The following RFX4 variants were observed in gnomAD, a reference collection of about 807,000 sequenced individuals.
RFX4 encodes regulatory factor X4.
In RFX4, 10 loss-of-function variants were observed where a neutral mutation model predicts 95.0. The observed-to-expected ratio is 0.11, with a 90% CI of 0.06 to 0.18. The LOEUF (loss-of-function observed/expected upper bound fraction) is 0.18. Among genes scored for constraint, RFX4 ranks in the 10% least tolerant of loss-of-function variants. The probability of loss-of-function intolerance (pLI) is 1.00; values close to 1 mark genes in which losing one functional copy is unlikely to be tolerated. For missense variants in RFX4, 640 were observed against 922.0 expected (o/e 0.69, Z 3.96); for synonymous variants, 321 against 340.7 (o/e 0.94, Z 0.64).
intron 8 of RFX4, among the ~76,000 whole-genome samples, chr12:106,708,179 A>C (rs142999983): frequency 7.2e-5 from 11 of 152,274 alleles, no homozygotes; most frequent in African/African-American, 2.6e-4. Context: ...GAAAAAGCTG[A>C]ATATACAGGA....
chr12:106,651,005 A>G (rs1462654410), intron 3 of RFX4, among the ~76,000 whole-genome samples: 2 of 152,152 alleles, frequency 1.3e-5, no homozygotes, highest in African/African-American at 2.4e-5. Context: ...TTCTTCTGAA[A>G]ATAACATTTT....
In RFX4 at chr12:106,677,877, A is replaced by G. The variant is rs76540067; in HGVS notation, c.316-4116A>G. 2.5e-3 allele frequency among the ~76,000 whole-genome samples: 380 copies of G among 152,264 alleles called. 6 individuals are homozygous for G. In the East Asian group the frequency reaches 0.044, roughly 18 times the overall value. On this transcript the variant is annotated intron_variant, in intron 4 of 17. Coordinates refer to ENST00000392842, the MANE Select transcript of RFX4 (RefSeq NM_213594.3). ...GGGCTAGGTTCAGGAGACATCCTGA[A>G]GGCAGAACCAGTAGGACCTGGGGTT...
rs763269186 is a variant in RFX4, at chr12:106,681,985, A to T, written c.316-8A>T. 4 of 1,614,122 alleles carry T rather than the reference A, an allele frequency of 2.5e-6. 1 individual carries two copies. The Admixed American group carries it at 6.7e-5, about 27-fold the overall frequency. On this transcript the variant is annotated splice_region_variant and splice_polypyrimidine_tract_variant and intron_variant, in intron 4 of 17. Coordinates refer to ENST00000392842, the MANE Select transcript of RFX4 (RefSeq NM_213594.3). ...CAATGGGTAACTGATTCTTGTGTTG[A>T]CTTACAGATCATAAGGCAGCAGTTT... is the stretch of plus-strand genomic sequence containing the variant.
At chr12:106,640,907 A>G (rs954523636) in intron 3 of RFX4, among the ~76,000 whole-genome samples, 2 of 149,184 alleles carry the variant, frequency 1.3e-5, no homozygotes, top group East Asian at 2.0e-4. Flanking sequence ...CAGCCTCCCT[A>G]CTAGCTGGGA....
At chr12:106,755,677 T>C (rs2043095587) in intron 17 of RFX4, among the ~76,000 whole-genome samples, 1 of 152,180 alleles carries the variant, frequency 6.6e-6, no homozygotes, top group African/African-American at 2.4e-5. Flanking sequence ...AGGTTCAGCA[T>C]AGAGAAAATC....
chr12:106,661,601 T>C (rs2137339673), intron 4 of RFX4, among the ~76,000 whole-genome samples: 1 of 152,168 alleles, frequency 6.6e-6, no homozygotes, highest in East Asian at 1.9e-4. Context: ...TTCACTCACA[T>C]TGGTGAATTC....
At chr12:106,589,906 T>C (rs1215729258) in intron 1 of RFX4, among the ~76,000 whole-genome samples, 1 of 152,244 alleles carries the variant, frequency 6.6e-6, no homozygotes, top group East Asian at 1.9e-4. Flanking sequence ...CACAGACAAA[T>C]CTTGGCTTTC....
chr12:106,739,026 A>G (rs745796450), intron 15 of RFX4, among the ~76,000 whole-genome samples: 35 of 144,226 alleles, frequency 2.4e-4, no homozygotes, highest in Non-Finnish European at 5.2e-4. Context: ...TCTATTTTAA[A>G]ATTATCGCTT....
At position 106,588,239 on chromosome 12, in the gene RFX4, G is replaced by A. The variant is rs529623677; in HGVS notation, c.43+4876G>A. 1.7e-4 allele frequency among the ~76,000 whole-genome samples: 26 copies of A among 152,150 alleles called. 1 individual carries two copies. Among genetic ancestry groups the A allele is most frequent in the African/African-American group, 6.0e-4 (25 of 41,520 alleles). On this transcript the variant is annotated intron_variant, in intron 1 of 17. Coordinates refer to ENST00000392842, the MANE Select transcript of RFX4 (RefSeq NM_213594.3). ...TAACCATGAACAACTCTTTTTAAAG[G>A]CCCAGAATGTCCTTTCTCATTGCCA...
Position 106,654,321 on chromosome 12 carries a change from C to G in RFX4, c.285C>G (p.Thr95=), listed in dbSNP as rs141142591. 2.2e-5 allele frequency: 35 copies of G among 1,614,018 alleles called. No homozygotes were observed. In the African/African-American group the frequency reaches 4.5e-4, roughly 21 times the overall value. The part of the protein sequence containing the change: ...HYLDFCEKND[T]QPVNAASFGK... ...TGGATTTCTGCGAGAAGAATGATAC[C>G]CAACCTGTCAATGCTGCCAGCTTTG... The change falls in exon 4 of 18, where the codon ACC becomes ACG. Residue 95 remains threonine (T), a synonymous_variant. Transcript: ENST00000392842.
At chr12:106,685,251 G>A (rs981150741) in intron 5 of RFX4, among the ~76,000 whole-genome samples, 2 of 151,132 alleles carry the variant, frequency 1.3e-5, no homozygotes, top group African/African-American at 2.4e-5. Context: ...AGACTACCAG[G>A]GATATTTTAA....
At chr12:106,727,744 C>T (rs1476780955) in intron 13 of RFX4, among the ~76,000 whole-genome samples, 10 of 152,040 alleles carry the variant, frequency 6.6e-5, no homozygotes, top group East Asian at 1.9e-4. Context: ...CTCAGCCTCC[C>T]GAGTAGCTGG....
chr12:106,705,701 T>C (rs1433930046), intron 8 of RFX4, among the ~76,000 whole-genome samples: 1 of 151,686 alleles, frequency 6.6e-6, no homozygotes, highest in Non-Finnish European at 1.5e-5. Context: ...GCTGCAGGGA[T>C]GGAGTAAGCT....
Position 106,761,403 on chromosome 12 carries a change from G to A in RFX4, c.2142G>A (p.Glu714=). 6.2e-7 allele frequency: 1 copy of A among 1,614,136 alleles called. No homozygotes were observed. The highest frequency in any genetic ancestry group is 2.2e-5 in the East Asian group (1 of 44,880). ...CAACGCGCAGGAATTCTGAATATGA[G>A]CACATGCAACACTTTCCTGGCTTTG... ...PLTTRRNSEY[E]HMQHFPGFAY... The change falls in exon 18 of 18, where the codon GAG becomes GAA. Residue 714 remains glutamate (E), a synonymous_variant. Transcript: ENST00000392842.
At chr12:106,727,911 G>A (rs905180593) in intron 13 of RFX4, among the ~76,000 whole-genome samples, 1 of 152,124 alleles carries the variant, frequency 6.6e-6, no homozygotes, top group Non-Finnish European at 1.5e-5. Context: ...GAGCCACCGC[G>A]CCCGGCCCTG....
rs553773596 is a variant in RFX4, at chr12:106,650,321, CT to C, written c.192-3905del. 3.3e-5 allele frequency among the ~76,000 whole-genome samples: 5 copies of C among 152,294 alleles called. No individual in the cohort carries two copies. In the East Asian group the frequency reaches 9.6e-4, roughly 29 times the overall value. On this transcript the variant is annotated intron_variant, in intron 3 of 17. Transcript: ENST00000392842. ...AGGGATACTTTTATCTTCCCCACAG[CT>C]TGTCATACACAAAATTGCAGTTGCC...
At chr12:106,680,092 T>A (rs922661743) in intron 4 of RFX4, among the ~76,000 whole-genome samples, 3 of 152,238 alleles carry the variant, frequency 2.0e-5, no homozygotes, top group South Asian at 2.1e-4. Flanking sequence ...TTGTTCAGTA[T>A]TATCACCATG....
chr12:106,587,470 G>C (rs1414529150), intron 1 of RFX4, among the ~76,000 whole-genome samples: 1 of 152,200 alleles, frequency 6.6e-6, no homozygotes, highest in Admixed American at 6.5e-5. Context: ...GCGAGGAAGA[G>C]AGAGGAGTTT....
intron 2 of RFX4, among the ~76,000 whole-genome samples, chr12:106,615,811 T>G (rs577915919): frequency 2.6e-5 from 4 of 152,362 alleles, no homozygotes; most frequent in Admixed American, 2.6e-4. Flanking sequence ...ATTATTTAGA[T>G]AATAACTTCA....
Sources: allele counts gnomAD v4.1 joint callset (sites outside exome capture counted in the v4.1 genomes callset), GRCh38; gene constraint gnomAD v4.1.1; transcripts MANE v1.5; gene names NCBI Gene and HGNC (gene_info 2026-07-23, HGNC 2026-07-21).